Variants in REPS1 observed in about 807,000 individuals in gnomAD.
REPS1 encodes ralBP1-associated Eps domain-containing protein 1.
In REPS1, 39 loss-of-function variants were observed where a neutral mutation model predicts 100.9. The ratio of observed to expected loss-of-function variants is 0.39; its 90% confidence interval spans 0.30 to 0.50. The LOEUF (loss-of-function observed/expected upper bound fraction) is 0.50, where lower values mean the gene tolerates loss of function less well. REPS1 is among the 20% of genes least tolerant of loss of function. REPS1 has a pLI of 0.86. For synonymous variants in REPS1, 324 were observed against 340.3 expected (o/e 0.95, Z 0.53); for missense variants, 821 against 968.5 (o/e 0.85, Z 2.02).
chr6:138,984,870 C>T (rs1178440085), intron 1 of REPS1, among the ~76,000 whole-genome samples: 1 of 152,152 alleles, frequency 6.6e-6, no homozygotes, highest in Admixed American at 6.5e-5. Context: ...CACAAAGCAC[C>T]TCATATAGTG....
intron 1 of REPS1, among the ~76,000 whole-genome samples, chr6:138,971,490 C>G (rs1206637896): frequency 6.6e-6 from 1 of 151,970 alleles, no homozygotes; most frequent in Non-Finnish European, 1.5e-5. Context: ...AAAGTATACG[C>G]TATAGTGCCA....
In REPS1 at chr6:138,918,311, T is replaced by C. The variant is rs76237955; in HGVS notation, c.1529-684A>G. Among the ~76,000 whole-genome samples the C allele has an allele frequency of 1.3e-3, 191 of 152,292 alleles. 1 individual carries two copies. Among genetic ancestry groups the C allele is most frequent in the African/African-American group, 4.3e-3 (177 of 41,558 alleles). On this transcript the variant is annotated intron_variant, in intron 12 of 19. Transcript: ENST00000450536. Reference sequence around the variant, plus strand: ...TAAGAAATCTAGAGATTATTTAAAGTATACAGGAGGATGTGCATAGGTTAC... The same window carrying C: ...TAAGAAATCTAGAGATTATTTAAAGCATACAGGAGGATGTGCATAGGTTAC...
chr6:138,913,500 A>T (rs1780150870), intron 15 of REPS1, among the ~76,000 whole-genome samples: 1 of 152,180 alleles, frequency 6.6e-6, no homozygotes, highest in Admixed American at 6.5e-5. Flanking sequence ...TGTACTTGTG[A>T]ACAAAACAAA....
chr6:138,917,494 T>A, intron 13 of REPS1, 61 bp downstream of exon 13: 1 of 1,307,990 alleles, frequency 7.6e-7, no homozygotes, highest in South Asian at 1.2e-5. Context: ...TTCTAAATAG[T>A]TTTAAACATT....
chr6:138,953,514 A>C lies in REPS1; in HGVS notation c.154-5601T>G, dbSNP rs146126266. Among the ~76,000 whole-genome samples, 12 of 152,236 alleles carry C rather than the reference A, an allele frequency of 7.9e-5. No individual in the cohort carries two copies. The East Asian group carries it at 1.3e-3, about 17-fold the overall frequency. ...CAACAGCAAAAAACAAAACAAAACAAAACTGATTTTTAAATGGGCAAATGA... is the reference window on the plus strand; with the variant it reads ...CAACAGCAAAAAACAAAACAAAACACAACTGATTTTTAAATGGGCAAATGA... On this transcript the variant is annotated intron_variant, in intron 1 of 19. Transcript: ENST00000450536.
Position 138,988,065 on chromosome 6 carries a change from C to T in REPS1, c.-383G>A. 1 of 397,784 alleles carries T rather than the reference C, an allele frequency of 2.5e-6. No individual in the cohort carries two copies. Among genetic ancestry groups the T allele is most frequent in the Non-Finnish European group, 4.4e-6 (1 of 225,504 alleles). 24.6% of individuals were successfully genotyped at this position (397,784 alleles called of 1,614,324 possible). A position where few individuals can be genotyped will look rare whatever the true frequency, so the allele number is the denominator to read the frequency against. Reference sequence around the variant, plus strand: ...AGTCTCCCCGGCTCCCTGCCGATTCCCCCAGACTTCCCGCCTCGGCTTCCC... The same window carrying T: ...AGTCTCCCCGGCTCCCTGCCGATTCTCCCAGACTTCCCGCCTCGGCTTCCC... On this transcript the variant is annotated 5_prime_UTR_variant, in exon 1 of 20. Transcript: ENST00000450536.
chr6:138,957,008 G>A (rs1462037353), intron 1 of REPS1, among the ~76,000 whole-genome samples: 1 of 151,244 alleles, frequency 6.6e-6, no homozygotes, highest in Non-Finnish European at 1.5e-5. Flanking sequence ...GTCTCCAGAA[G>A]TAGGAATATT....
At chr6:138,987,393 G>A (rs1785330903) in intron 1 of REPS1, 137 bp downstream of exon 1, 2 of 941,638 alleles carry the variant, frequency 2.1e-6, no homozygotes, top group Non-Finnish European at 3.0e-6. Context: ...CCGGGCACCT[G>A]CGGCCCCTGC....
intron 8 of REPS1, among the ~76,000 whole-genome samples, chr6:138,931,391 T>C (rs2128458774): frequency 6.6e-6 from 1 of 152,298 alleles, no homozygotes; most frequent in South Asian, 2.1e-4. Context: ...TTACTGCCAT[T>C]TTCCTAAGAC....
At chr6:138,909,992 T>C (rs1779901904) in intron 17 of REPS1, among the ~76,000 whole-genome samples, 1 of 152,212 alleles carries the variant, frequency 6.6e-6, no homozygotes, top group Admixed American at 6.5e-5. Flanking sequence ...GAAAGTGTGC[T>C]GATACTTGCA....
At chr6:138,984,034 C>T (rs1325858755) in intron 1 of REPS1, among the ~76,000 whole-genome samples, 1 of 151,864 alleles carries the variant, frequency 6.6e-6, no homozygotes, top group East Asian at 1.9e-4. Context: ...ATAACCCAGG[C>T]CTATCACGTT....
At chr6:138,969,790 T>G (rs1784230679) in intron 1 of REPS1, among the ~76,000 whole-genome samples, 1 of 151,854 alleles carries the variant, frequency 6.6e-6, no homozygotes, top group South Asian at 2.1e-4. Context: ...TGGTCCATTA[T>G]AGGTGCTATA....
intron 10 of REPS1, among the ~76,000 whole-genome samples, chr6:138,923,042 G>GAT (rs1780882010): frequency 6.6e-6 from 1 of 152,158 alleles, no homozygotes; most frequent in Admixed American, 6.5e-5. Flanking sequence ...CAGGGTTCAT[G>GAT]TACTTAACCA....
intron 10 of REPS1, among the ~76,000 whole-genome samples, chr6:138,925,268 A>T (rs566058536): frequency 6.6e-6 from 1 of 151,976 alleles, no homozygotes; most frequent in South Asian, 2.1e-4. Flanking sequence ...TCGGGAGGCT[A>T]AGGTAGGAGA....
chr6:138,941,825 T>A (rs1347073367), intron 7 of REPS1, among the ~76,000 whole-genome samples: 2 of 152,176 alleles, frequency 1.3e-5, no homozygotes, highest in African/African-American at 4.8e-5. Flanking sequence ...TTAGTGAAAT[T>A]TTTCAAAAGT....
chr6:138,917,912 G>A (rs923404165), intron 12 of REPS1, among the ~76,000 whole-genome samples: 1 of 152,184 alleles, frequency 6.6e-6, no homozygotes, highest in Admixed American at 6.5e-5. Context: ...CATATACAAT[G>A]TGGCCCTCCA....
chr6:138,921,976 A>AGTGTGT lies in REPS1; in HGVS notation c.1339-858_1339-853dup, dbSNP rs71895504. On this transcript the variant is annotated intron_variant, in intron 10 of 19. Coordinates refer to ENST00000450536, the MANE Select transcript of REPS1 (RefSeq NM_001286611.2). ...GACAGAGCTAGACCACATCTCAAAA[A>AGTGTGT]GTGTGTGTGTGTGTGTGTGTGTGTG... Among the ~76,000 whole-genome samples, 536 of 148,608 alleles carry AGTGTGT rather than the reference A, an allele frequency of 3.6e-3. 4 individuals carry two copies. The highest frequency in any genetic ancestry group is 0.012 in the African/African-American group (504 of 40,498).
chr6:138,952,748 A>G (rs1783116624), intron 1 of REPS1, among the ~76,000 whole-genome samples: 1 of 152,064 alleles, frequency 6.6e-6, no homozygotes, highest in Non-Finnish European at 1.5e-5. Context: ...TCATTGGGGA[A>G]AGGACAGTCT....
At chr6:138,975,804 A>G (rs1278088396) in intron 1 of REPS1, among the ~76,000 whole-genome samples, 15 of 152,198 alleles carry the variant, frequency 9.9e-5, no homozygotes, top group Admixed American at 9.8e-4. Context: ...ATTGCGCTCC[A>G]GCCTGGGAGA....
Sources: gnomAD v4.1 joint callset for allele counts (sites outside exome capture counted in the v4.1 genomes callset) on GRCh38, gnomAD v4.1.1 for gene constraint, MANE v1.5 for transcripts, NCBI Gene and HGNC (gene_info 2026-07-23, HGNC 2026-07-21) for gene names.